SERPINB7: variants seen among roughly 807,000 people sequenced by gnomAD.
The protein encoded by SERPINB7 is serpin family B member 7, also known as serpin B7.
A neutral mutation model predicts 37.4 loss-of-function variants in SERPINB7; 31 were observed. That is an observed-to-expected ratio of 0.83 (90% CI 0.62 to 1.12). The LOEUF (loss-of-function observed/expected upper bound fraction) is 1.12. SERPINB7 is among the 50% of genes most tolerant of loss of function. The pLI, the probability that SERPINB7 is intolerant of heterozygous loss-of-function variation, is 0.00. For missense variants in SERPINB7, 521 were observed against 455.3 expected (o/e 1.14, Z -1.31); for synonymous variants, 163 against 166.1 (o/e 0.98, Z 0.14).
At position 63,762,280 on chromosome 18, in the gene SERPINB7, C is replaced by A. The variant is rs1428020306; in HGVS notation, c.-19+9160C>A. 2.0e-5 allele frequency among the ~76,000 whole-genome samples: 3 copies of A among 152,160 alleles called. No individual in the cohort carries two copies. In the East Asian group the frequency reaches 5.8e-4, roughly 29 times the overall value. Reference sequence around the variant, plus strand: ...CCACTGGATGAAGGATTTCAAAGGGCAAATTTATTAAAATTAATTCCACTA... The same window carrying A: ...CCACTGGATGAAGGATTTCAAAGGGAAAATTTATTAAAATTAATTCCACTA... On this transcript the variant is annotated intron_variant, in intron 1 of 7. Transcript: ENST00000336429.
chr18:63,804,744 T>A lies in SERPINB7; in HGVS notation c.*109T>A. The A allele has an allele frequency of 8.5e-7, 1 of 1,179,762 alleles. No individual in the cohort carries two copies. Among genetic ancestry groups the A allele is most frequent in the Non-Finnish European group, 1.2e-6 (1 of 846,012 alleles). 73.1% of individuals were successfully genotyped at this position (1,179,762 alleles called of 1,614,324 possible). A position where few individuals can be genotyped will look rare whatever the true frequency, so the allele number is the denominator to read the frequency against. ...ATGTGGTGTTTCCTTTGAGTTTATT[T>A]CTTCCTAACATTGGTCAGCAGATGA... is the stretch of plus-strand genomic sequence containing the variant. On this transcript the variant is annotated 3_prime_UTR_variant, in exon 8 of 8. Coordinates refer to ENST00000398019, the MANE Select transcript of SERPINB7 (RefSeq NM_003784.4).
intron 5 of SERPINB7, 29 bp from the exon 6 acceptor site, chr18:63,798,575 C>A: frequency 1.3e-6 from 2 of 1,503,064 alleles, no homozygotes; most frequent in African/African-American, 1.6e-5. Context: ...TTAAAATAAA[C>A]ATTTTTCCCT....
chr18:63,803,539 T>A (rs1363412960), intron 7 of SERPINB7, among the ~76,000 whole-genome samples: 1 of 152,194 alleles, frequency 6.6e-6, no homozygotes, highest in Non-Finnish European at 1.5e-5. Flanking sequence ...ATTGGCTTTG[T>A]GAATTGTTTG....
In SERPINB7 at chr18:63,783,213, AGAGAGAGAGAGAGAG is replaced by A. The variant is rs1568207666; in HGVS notation, c.168+674_168+688del. 7.6e-3 allele frequency among the ~76,000 whole-genome samples: 594 copies of A among 77,832 alleles called. 2 individuals carry two copies. The highest frequency in any genetic ancestry group is 0.035 in the East Asian group (97 of 2,764). The allele number at this position is 77,832 out of a possible 152,430, so 51.1% of individuals were successfully genotyped here. A position where few individuals can be genotyped will look rare whatever the true frequency, so the allele number is the denominator to read the frequency against. On this transcript the variant is annotated intron_variant, in intron 2 of 7. Transcript: ENST00000398019. ...GAGAGAGAGAGAGAGAGAGAGAGAG[AGAGAGAGAGAGAGAG>A]AGAGAGAAAGAAAGAAAGAAAGAAA...
chr18:63,793,181 G>GAAA lies in SERPINB7; in HGVS notation c.242_244dup (p.Lys81dup), dbSNP rs763946597. The GAAA allele has an allele frequency of 2.5e-6, 4 of 1,586,246 alleles. No homozygotes were observed. The South Asian group carries it at 4.6e-5, about 18-fold the overall frequency. On this transcript the variant is annotated inframe_insertion, in exon 4 of 8. Transcript: ENST00000398019. ...AACAGTCAGGGCTCCAGTCTCAACT[G>GAAA]AAAAGAGTTTTTTCTGATATAAATG...
At chr18:63,804,167 T>C (rs1309567131) in intron 7 of SERPINB7, 70 bp from the exon 8 acceptor site, 1 of 1,124,714 alleles carries the variant, frequency 8.9e-7, no homozygotes, top group Non-Finnish European at 1.3e-6. Flanking sequence ...AAACTATGTA[T>C]CTCTGTAGCT....
intron 2 of SERPINB7, 79 bp downstream of exon 2, chr18:63,782,619 G>A: frequency 7.4e-7 from 1 of 1,357,118 alleles, no homozygotes; most frequent in Non-Finnish European, 1.0e-6. Flanking sequence ...TGGTCCCCAT[G>A]TTAATGGAGG....
intron 4 of SERPINB7, among the ~76,000 whole-genome samples, chr18:63,793,679 G>T (rs1184114951): frequency 1.3e-5 from 2 of 151,976 alleles, no homozygotes; most frequent in Non-Finnish European, 2.9e-5. Context: ...TAATTTTTTT[G>T]TTGTTGAGAA....
At chr18:63,774,540 T>C (rs907529442), upstream of SERPINB7, among the ~76,000 whole-genome samples, 1 of 152,088 alleles carries the variant, frequency 6.6e-6, no homozygotes, top group African/African-American at 2.4e-5. Flanking sequence ...TGGCATGTTC[T>C]GATGGCAAAG....
chr18:63,768,230 G>T (rs2049191211), intron 1 of SERPINB7, among the ~76,000 whole-genome samples: 1 of 151,734 alleles, frequency 6.6e-6, no homozygotes, highest in Admixed American at 6.6e-5. Flanking sequence ...GTTTCTTTAA[G>T]TGAAAGTATA....
At chr18:63,791,591 A>G (rs2049427550) in intron 2 of SERPINB7, among the ~76,000 whole-genome samples, 1 of 152,098 alleles carries the variant, frequency 6.6e-6, no homozygotes, top group African/African-American at 2.4e-5. Context: ...CATAAATCAC[A>G]AAATAGTCCA....
At chr18:63,756,518 CTTA>C in intron 1 of SERPINB7, among the ~76,000 whole-genome samples, 1 of 152,266 alleles carries the variant, frequency 6.6e-6, no homozygotes, top group South Asian at 2.1e-4. Context: ...AAACCAGTCT[CTTA>C]TTAAAGGTTT....
intron 2 of SERPINB7, 137 bp downstream of exon 2, chr18:63,782,677 C>T (rs1185072294): frequency 1.3e-6 from 1 of 783,312 alleles, no homozygotes; most frequent in Non-Finnish European, 2.0e-6. Context: ...TCCACGAGGC[C>T]CTCTTTGGGT....
intron 2 of SERPINB7, among the ~76,000 whole-genome samples, chr18:63,786,601 G>A (rs1393411690): frequency 1.4e-5 from 2 of 141,798 alleles, no homozygotes; most frequent in African/African-American, 5.5e-5. Context: ...GAAGCCCAAG[G>A]ATGATTCATA....
At chr18:63,795,477 C>G (rs1485242648) in intron 4 of SERPINB7, among the ~76,000 whole-genome samples, 1 of 151,662 alleles carries the variant, frequency 6.6e-6, no homozygotes, top group East Asian at 1.9e-4. Context: ...AGGAGAATCA[C>G]TTGAACCCAG....
At chr18:63,799,432 C>T (rs1228419458) in intron 6 of SERPINB7, among the ~76,000 whole-genome samples, 1 of 152,152 alleles carries the variant, frequency 6.6e-6, no homozygotes. Flanking sequence ...CTCCTAATTT[C>T]TTTTTATTTT....
intron 4 of SERPINB7, among the ~76,000 whole-genome samples, chr18:63,794,110 A>ATTTTTTTTTTTTTTTTTTTT (rs34450022): frequency 6.6e-5 from 7 of 105,568 alleles, no homozygotes; most frequent in Admixed American, 1.2e-4. Context: ...CATCCTGCTA[A>ATTTTTTTTTTTTTTTTTTTT]TTTTTTTTTT....
At chr18:63,757,757 A>G (rs1000116737) in intron 1 of SERPINB7, among the ~76,000 whole-genome samples, 6 of 152,248 alleles carry the variant, frequency 3.9e-5, no homozygotes, top group African/African-American at 9.6e-5. Context: ...AATGAAACAC[A>G]TTCTGTAACC....
rs377413161 is a variant in SERPINB7, at chr18:63,786,080, A to G, written c.168+3540A>G. On this transcript the variant is annotated intron_variant, in intron 2 of 7. Coordinates refer to ENST00000398019, the MANE Select transcript of SERPINB7 (RefSeq NM_003784.4). The stretch of plus-strand genomic sequence containing the variant: ...GTATATATAATATACTTATATATAC[A>G]TATATACATATAATATAAGTATATA... Among the ~76,000 whole-genome samples the G allele has an allele frequency of 1.8e-4, 10 of 54,186 alleles. 1 individual carries two copies. The highest frequency in any genetic ancestry group is 4.3e-4 in the Admixed American group (2 of 4,632). The allele number at this position is 54,186 out of a possible 152,430, so 35.5% of individuals were successfully genotyped here. A position where few individuals can be genotyped will look rare whatever the true frequency, so the allele number is the denominator to read the frequency against.
Sources: gnomAD v4.1 joint callset for allele counts (sites outside exome capture counted in the v4.1 genomes callset) on GRCh38, gnomAD v4.1.1 for gene constraint, MANE v1.5 for transcripts, NCBI Gene and HGNC (gene_info 2026-07-23, HGNC 2026-07-21) for gene names.